Variants in BRAF observed in about 807,000 individuals in gnomAD.
The protein encoded by BRAF is serine/threonine-protein kinase B-raf.
Under a neutral mutation model 104.6 loss-of-function variants are expected in BRAF, and 16 were observed. The observed-to-expected ratio is 0.15, with a 90% CI of 0.10 to 0.23. The LOEUF is 0.23. Ranked by LOEUF, BRAF falls within the 10% of genes least tolerant of loss-of-function variation. The pLI is 1.00. For synonymous variants in BRAF, 310 were observed against 341.6 expected (o/e 0.91, Z 1.02); for missense variants, 541 against 937.3 (o/e 0.58, Z 5.52).
rs182308938 is a variant in BRAF, at chr7:140,727,618, C to T, written c.2402-1102G>A. ...ATTAACAAAATTTAGTCAGCCATACCACTATTTTTCTTTTTTTTTTGAGAC... is the reference window on the plus strand; with the variant it reads ...ATTAACAAAATTTAGTCAGCCATACTACTATTTTTCTTTTTTTTTTGAGAC... On this transcript the variant is annotated intron_variant, in intron 19 of 19. Transcript: ENST00000644969. Among the ~76,000 whole-genome samples the T allele has an allele frequency of 1.1e-4, 16 of 151,556 alleles. No homozygotes were observed. In the South Asian group the frequency reaches 1.5e-3, roughly 14 times the overall value.
At chr7:140,816,609 G>C (rs181509555) in intron 3 of BRAF, among the ~76,000 whole-genome samples, 2 of 152,042 alleles carry the variant, frequency 1.3e-5, no homozygotes, top group African/African-American at 4.8e-5. Flanking sequence ...ATACCATCAG[G>C]ATTAATGCCA....
At chr7:140,759,866 T>C (rs1438433200) in intron 14 of BRAF, among the ~76,000 whole-genome samples, 1 of 152,200 alleles carries the variant, frequency 6.6e-6, no homozygotes, top group African/African-American at 2.4e-5. Context: ...ATGCAGTCTT[T>C]GATTCAGGTC....
At chr7:140,765,766 A>G (rs993040931) in intron 14 of BRAF, among the ~76,000 whole-genome samples, 5 of 152,074 alleles carry the variant, frequency 3.3e-5, no homozygotes, top group African/African-American at 9.7e-5. Flanking sequence ...TCTCACACCA[A>G]TTAGAATGGC....
intron 14 of BRAF, among the ~76,000 whole-genome samples, chr7:140,755,348 T>C (rs980558242): frequency 6.6e-6 from 1 of 152,194 alleles, no homozygotes; most frequent in Non-Finnish European, 1.5e-5. Flanking sequence ...TACCTTAAAA[T>C]GAGAATTTAA....
At chr7:140,801,167 G>C (rs1285088016) in intron 6 of BRAF, 4 of 441,738 alleles carry the variant, frequency 9.1e-6, no homozygotes, top group Non-Finnish European at 1.6e-5. Context: ...CTATGGGTTA[G>C]GGGTCTTGAT....
At chr7:140,848,093 AC>A (rs1808768623) in intron 2 of BRAF, among the ~76,000 whole-genome samples, 1 of 152,214 alleles carries the variant, frequency 6.6e-6, no homozygotes, top group Admixed American at 6.5e-5. Flanking sequence ...AAAAGAACCA[AC>A]CAAAAAGACT....
Position 140,728,418 on chromosome 7 carries a change from T to C in BRAF, c.2402-1902A>G, listed in dbSNP as rs1318132332. ...CTAATGAACTGCAGATAGTCTATTA[T>C]CTCTTTCTATGCATGAATTCCTTTT... On this transcript the variant is annotated intron_variant, in intron 19 of 19. Transcript: ENST00000644969. Among the ~76,000 whole-genome samples the C allele has an allele frequency of 2.0e-5, 3 of 152,182 alleles. No individual in the cohort carries two copies. The East Asian group carries it at 5.8e-4, about 29-fold the overall frequency.
chr7:140,733,375 G>A (rs1252298007), intron 19 of BRAF: 2 of 152,204 alleles, frequency 1.3e-5, no homozygotes, highest in African/African-American at 4.8e-5. Flanking sequence ...TTGAGTAAGT[G>A]AAGATATAGT....
intron 2 of BRAF, among the ~76,000 whole-genome samples, chr7:140,847,082 G>A (rs975358578): frequency 1.3e-5 from 2 of 152,104 alleles, no homozygotes; most frequent in Admixed American, 1.3e-4. Flanking sequence ...TTGAACCCAG[G>A]AGAGGAGGCT....
chr7:140,730,294 A>T (rs181630821), intron 19 of BRAF, among the ~76,000 whole-genome samples: 63 of 149,538 alleles, frequency 4.2e-4, no homozygotes, highest in Non-Finnish European at 8.0e-4. Flanking sequence ...ATTAATTAAT[A>T]AAAAAAAATC....
chr7:140,741,305 C>T (rs923903614), intron 17 of BRAF: 1 of 152,100 alleles, frequency 6.6e-6, no homozygotes, highest in Admixed American at 6.6e-5. Flanking sequence ...GTAACTTGCC[C>T]GAGATAATAC....
At chr7:140,791,855 AC>A (rs1802000896) in intron 8 of BRAF, among the ~76,000 whole-genome samples, 1 of 152,194 alleles carries the variant, frequency 6.6e-6, no homozygotes, top group Non-Finnish European at 1.5e-5. Flanking sequence ...CTCCTCTACT[AC>A]AAAACAGTAT....
chr7:140,844,854 G>A (rs1808378453), intron 2 of BRAF, among the ~76,000 whole-genome samples: 1 of 151,918 alleles, frequency 6.6e-6, no homozygotes, highest in African/African-American at 2.4e-5. Context: ...CCTGGGAGGT[G>A]GGCTGCAGTG....
intron 2 of BRAF, among the ~76,000 whole-genome samples, chr7:140,847,163 T>A (rs956903969): frequency 2.6e-5 from 4 of 151,590 alleles, no homozygotes; most frequent in African/African-American, 9.7e-5. Context: ...CAACAAAAAA[T>A]AAAAAAATAA....
At chr7:140,789,397 T>G (rs1801721193) in intron 8 of BRAF, among the ~76,000 whole-genome samples, 1 of 152,110 alleles carries the variant, frequency 6.6e-6, no homozygotes, top group Non-Finnish European at 1.5e-5. Context: ...TCTCTGCAAA[T>G]AGACAACTTT....
At chr7:140,920,752 A>G (rs557501608) in intron 1 of BRAF, among the ~76,000 whole-genome samples, 2 of 152,330 alleles carry the variant, frequency 1.3e-5, no homozygotes, top group African/African-American at 2.4e-5. Flanking sequence ...GTGGATGCCT[A>G]AAGAAGGGAG....
chr7:140,807,667 T>C (rs1180172619), intron 5 of BRAF, among the ~76,000 whole-genome samples: 1 of 152,194 alleles, frequency 6.6e-6, no homozygotes, highest in Non-Finnish European at 1.5e-5. Context: ...TCTAAACAAA[T>C]GTTGGCCTCT....
chr7:140,847,239 A>T (rs1808657571), intron 2 of BRAF, among the ~76,000 whole-genome samples: 1 of 151,938 alleles, frequency 6.6e-6, no homozygotes, highest in Non-Finnish European at 1.5e-5. Flanking sequence ...CCATCCCCTC[A>T]TTAAAATATA....
At chr7:140,897,303 C>T (rs1044643036) in intron 1 of BRAF, among the ~76,000 whole-genome samples, 2 of 151,912 alleles carry the variant, frequency 1.3e-5, no homozygotes. Flanking sequence ...GGTTGCTTTA[C>T]AAATAAGTGA....
Sources: gnomAD v4.1 joint callset for allele counts (sites outside exome capture counted in the v4.1 genomes callset) on GRCh38, gnomAD v4.1.1 for gene constraint, MANE v1.5 for transcripts, NCBI Gene and HGNC (gene_info 2026-07-23, HGNC 2026-07-21) for gene names.